The following CNTLN variants were observed in gnomAD, a reference collection of about 807,000 sequenced individuals.
The protein encoded by CNTLN is centlein, centrosomal protein.
Under a neutral mutation model 180.0 loss-of-function variants are expected in CNTLN, and 212 were observed. The observed-to-expected ratio is 1.18, with a 90% CI of 1.05 to 1.32. The LOEUF is 1.32. Among genes scored for constraint, CNTLN ranks in the 40% most tolerant of loss-of-function variants. The probability of loss-of-function intolerance (pLI) is 0.00; values close to 1 mark genes in which losing one functional copy is unlikely to be tolerated. For missense variants in CNTLN, 2,095 were observed against 1,610.9 expected (o/e 1.30, Z -5.14); for synonymous variants, 722 against 563.1 (o/e 1.28, Z -3.99).
intron 6 of CNTLN, 21 bp from the exon 7 acceptor site, chr9:17,298,169 T>A: frequency 7.1e-7 from 1 of 1,414,650 alleles, no homozygotes; most frequent in Non-Finnish European, 9.3e-7. Flanking sequence ...CTTTTCTCTA[T>A]TTATTGCTTG....
At chr9:17,481,348 T>A (rs550519359) in intron 23 of CNTLN, among the ~76,000 whole-genome samples, 29 of 152,236 alleles carry the variant, frequency 1.9e-4, no homozygotes, top group Non-Finnish European at 3.7e-4. Flanking sequence ...GACAGCCCCA[T>A]CCAACCAGGG....
intron 5 of CNTLN, among the ~76,000 whole-genome samples, chr9:17,257,762 G>C (rs1358114653): frequency 2.6e-5 from 4 of 151,050 alleles, no homozygotes; most frequent in Non-Finnish European, 5.9e-5. Flanking sequence ...TTTCTTGGCT[G>C]CATAAATGTC....
intron 6 of CNTLN, among the ~76,000 whole-genome samples, chr9:17,280,657 G>A (rs892893111): frequency 2.6e-5 from 4 of 152,164 alleles, no homozygotes; most frequent in African/African-American, 9.7e-5. Context: ...GAAGACATCA[G>A]GTCACTGACT....
At chr9:17,285,371 A>G (rs1336275374) in intron 6 of CNTLN, among the ~76,000 whole-genome samples, 1 of 148,652 alleles carries the variant, frequency 6.7e-6, no homozygotes, top group Non-Finnish European at 1.5e-5. Context: ...TCCATGGTGT[A>G]TATGTGCCAC....
At chr9:17,186,695 A>C (rs1821453845) in intron 2 of CNTLN, among the ~76,000 whole-genome samples, 1 of 152,146 alleles carries the variant, frequency 6.6e-6, no homozygotes, top group Non-Finnish European at 1.5e-5. Context: ...ACCATTTATA[A>C]GGCACACTAA....
At chr9:17,485,361 C>T (rs1832840611) in intron 24 of CNTLN, among the ~76,000 whole-genome samples, 6 of 152,008 alleles carry the variant, frequency 3.9e-5, no homozygotes, top group Non-Finnish European at 5.9e-5. Flanking sequence ...TTTGAACTAC[C>T]AAGAATCCTC....
At chr9:17,284,897 G>A (rs1036344535) in intron 6 of CNTLN, among the ~76,000 whole-genome samples, 3 of 151,862 alleles carry the variant, frequency 2.0e-5, no homozygotes, top group African/African-American at 7.3e-5. Context: ...GGCAGTTAGT[G>A]CTATAAATTT....
intron 18 of CNTLN, among the ~76,000 whole-genome samples, chr9:17,425,889 G>A (rs1385411738): frequency 6.6e-6 from 1 of 152,194 alleles, no homozygotes; most frequent in African/African-American, 2.4e-5. Context: ...CTAAAGGAGA[G>A]AGATAAACTG....
chr9:17,303,208 G>A (rs573811283), intron 7 of CNTLN, among the ~76,000 whole-genome samples: 1 of 152,248 alleles, frequency 6.6e-6, no homozygotes, highest in African/African-American at 2.4e-5. Context: ...AAAGCCAACA[G>A]TATAGTTCAG....
Position 17,135,239 on chromosome 9 carries a change from G to A in CNTLN, c.174G>A (p.Val58=), listed in dbSNP as rs1817617961. 1.9e-6 allele frequency: 3 copies of A among 1,607,736 alleles called. No homozygotes were observed. Among genetic ancestry groups the A allele is most frequent in the East Asian group, 2.2e-5 (1 of 44,586 alleles). ...CGGACGAAAGTGATAAAATCTGGGT[G>A]GGTGAAGAAGGGTCAGGGGGCCGGC... The part of the protein sequence containing the change: ...VVADESDKIW[V]GEEGSGGRRG... The change falls in exon 1 of 26, where the codon GTG becomes GTA. Residue 58 remains valine, a synonymous_variant. Coordinates refer to ENST00000380647, the MANE Select transcript of CNTLN (RefSeq NM_017738.4).
intron 3 of CNTLN, among the ~76,000 whole-genome samples, chr9:17,235,356 G>C (rs912627786): frequency 3.9e-5 from 6 of 152,042 alleles, no homozygotes; most frequent in African/African-American, 1.4e-4. Context: ...TAATTAGAAT[G>C]GTTCGTAAAA....
chr9:17,267,290 A>C (rs372211965), intron 5 of CNTLN, among the ~76,000 whole-genome samples: 1 of 151,872 alleles, frequency 6.6e-6, no homozygotes, highest in South Asian at 2.1e-4. Flanking sequence ...TTTCTCCTTC[A>C]CTTATGAAGG....
chr9:17,400,779 A>G (rs1269846983), intron 15 of CNTLN, among the ~76,000 whole-genome samples: 3 of 152,180 alleles, frequency 2.0e-5, no homozygotes, highest in African/African-American at 7.2e-5. Context: ...TGAAATGTAT[A>G]TGTTAATTCA....
At position 17,502,685 on chromosome 9, in the gene CNTLN, A is replaced by G; in HGVS notation, c.*33A>G. The G allele has an allele frequency of 1.1e-6, 1 of 881,170 alleles. No individual in the cohort carries two copies. The highest frequency in any genetic ancestry group is 1.8e-5 in the South Asian group (1 of 54,290). The allele number at this position is 881,170 out of a possible 1,614,324, so 54.6% of individuals were successfully genotyped here. A position where few individuals can be genotyped will look rare whatever the true frequency, so the allele number is the denominator to read the frequency against. ...ATGGAGAGCTTTATTGCAAATGTGA[A>G]AACTTTTTATGTGGTGTGATTGGAA... On this transcript the variant is annotated 3_prime_UTR_variant, in exon 26 of 26. Coordinates refer to ENST00000380647, the MANE Select transcript of CNTLN (RefSeq NM_017738.4).
intron 8 of CNTLN, among the ~76,000 whole-genome samples, chr9:17,314,847 C>T (rs1483361857): frequency 2.0e-5 from 3 of 152,130 alleles, no homozygotes; most frequent in African/African-American, 7.2e-5. Flanking sequence ...ATAGGATCTA[C>T]TCTGTCATTA....
chr9:17,435,596 T>A (rs1329575749), intron 18 of CNTLN, among the ~76,000 whole-genome samples: 3 of 151,388 alleles, frequency 2.0e-5, no homozygotes, highest in Non-Finnish European at 4.4e-5. Flanking sequence ...GTTTTGCTCT[T>A]ATTGCCTAGG....
intron 10 of CNTLN, among the ~76,000 whole-genome samples, chr9:17,333,393 A>T (rs990378682): frequency 1.3e-5 from 2 of 151,942 alleles, no homozygotes; most frequent in Non-Finnish European, 2.9e-5. Context: ...TTTCTCTTTC[A>T]TTCTTCATTC....
chr9:17,524,658 A>C, the CNTLN span, among the ~76,000 whole-genome samples: 1 of 152,226 alleles, frequency 6.6e-6, no homozygotes, highest in African/African-American at 2.4e-5. Context: ...TTAAACTTTC[A>C]TTCTCAGCTT....
At chr9:17,241,529 G>A (rs1455896761) in intron 5 of CNTLN, among the ~76,000 whole-genome samples, 1 of 151,836 alleles carries the variant, frequency 6.6e-6, no homozygotes, top group Non-Finnish European at 1.5e-5. Flanking sequence ...GGATAGCTTT[G>A]GCTACTCTGG....
Sources: allele counts gnomAD v4.1 joint callset (sites outside exome capture counted in the v4.1 genomes callset), GRCh38; gene constraint gnomAD v4.1.1; transcripts MANE v1.5; gene names NCBI Gene and HGNC (gene_info 2026-07-23, HGNC 2026-07-21).